ADAMTS5: variants seen among roughly 807,000 people sequenced by gnomAD.
ADAMTS5 encodes the protein A disintegrin and metalloproteinase with thrombospondin motifs 5.
ADAMTS5 carries 54 observed loss-of-function variants against 81.4 expected under a neutral mutation model. The ratio of observed to expected loss-of-function variants is 0.66; its 90% CI spans 0.53 to 0.83. The LOEUF (loss-of-function observed/expected upper bound fraction) is 0.83. ADAMTS5 is among the 40% of genes least tolerant of loss of function. The probability of loss-of-function intolerance (pLI) is 0.00; values close to 1 mark genes in which losing one functional copy is unlikely to be tolerated. For missense variants in ADAMTS5, 1,194 were observed against 1,229.9 expected (o/e 0.97, Z 0.44); for synonymous variants, 532 against 508.8 (o/e 1.05, Z -0.61).
chr21:26,966,384 A>G lies in ADAMTS5; in HGVS notation c.8T>C (p.Leu3Pro), dbSNP rs1987675197. ...GCACAGCAGCAGGGACGCCCACCCGAGCAGCATAGTGCGCTGCCCGCGGGG... is the reference window on the plus strand; with the variant it reads ...GCACAGCAGCAGGGACGCCCACCCGGGCAGCATAGTGCGCTGCCCGCGGGG... Reference protein sequence around the residue: MLLGWASLLLCAF... With the variant: MLPGWASLLLCAF... Residue 3 changes from leucine (L) to proline (P), a missense_variant, in exon 1 of 8, where the codon CTC becomes CCC. This residue lies in a region of ADAMTS5 where 498 missense variants were observed against 412.3 expected (regional missense o/e 1.21). Coordinates refer to ENST00000284987, the MANE Select transcript of ADAMTS5 (RefSeq NM_007038.5). 1 of 1,476,192 alleles carries G rather than the reference A, an allele frequency of 6.8e-7. No individual in the cohort carries two copies. Among genetic ancestry groups the G allele is most frequent in the Non-Finnish European group, 8.9e-7 (1 of 1,125,498 alleles). The allele number at this position is 1,476,192 out of a possible 1,614,324, so 91.4% of individuals were successfully genotyped here.
chr21:26,929,982 C>T lies in ADAMTS5; in HGVS notation c.2129G>A (p.Gly710Asp). ...RGKCVRTGCD[G>D]IIGSKLQYDK... ...ATACTGCAGCTTTGAGCCAATGATG[C>T]CGTCACAGCCAGTTCTCACACACTT... Residue 710 changes from glycine (G) to aspartate (D), a missense_variant, in exon 7 of 8, where the codon GGC becomes GAC. Coordinates refer to ENST00000284987, the MANE Select transcript of ADAMTS5 (RefSeq NM_007038.5). The T allele has an allele frequency of 1.2e-6, 2 of 1,614,124 alleles. No individual in the cohort carries two copies. Among genetic ancestry groups the T allele is most frequent in the Non-Finnish European group, 1.7e-6 (2 of 1,179,976 alleles).
At position 26,943,545 on chromosome 21, in the gene ADAMTS5, G is replaced by A. The variant is rs780293612; in HGVS notation, c.1240C>T (p.His414Tyr). 1 of 1,611,650 alleles carries A rather than the reference G, an allele frequency of 6.2e-7. No homozygotes were observed. The highest frequency in any genetic ancestry group is 8.5e-7 in the Non-Finnish European group (1 of 1,178,736). ...AAFTVAHEIGHLLGLSHDDSK... is the reference protein window; with the variant it reads ...AAFTVAHEIGYLLGLSHDDSK... ...TCGTCATGGGAGAGGCCAAGTAAAT[G>A]TCCTAAGGGAGACAACAGAGGAAGT... The change falls in exon 3 of 8, where the codon CAT becomes TAT. Residue 414 changes from histidine (H) to tyrosine (Y), a missense_variant and splice_region_variant. Physicochemically the swap from His to Tyr is moderately conservative, Grantham distance 83 (BLOSUM62 2). This residue lies in a region of ADAMTS5 where 696 missense variants were observed against 817.6 expected (regional missense o/e 0.85). Coordinates refer to ENST00000284987, the MANE Select transcript of ADAMTS5 (RefSeq NM_007038.5).
chr21:26,965,344 G>C lies in ADAMTS5; in HGVS notation c.1048C>G (p.Gln350Glu), dbSNP rs1987617948. 6.2e-7 allele frequency: 1 copy of C among 1,614,244 alleles called. No individual in the cohort carries two copies. The highest frequency in any genetic ancestry group is 1.3e-5 in the African/African-American group (1 of 75,058). ...NFCKWQHQHN[Q>E]LGDDHEEHYD... is the part of the protein sequence containing the mutation. ...TGCTCCTCATGGTCATCTCCCAGCT[G>C]GTTGTGTTGGTGCTGCCACTTGCAA... Residue 350 changes from glutamine (Q) to glutamate (E), a missense_variant, in exon 1 of 8, where the codon CAG (glutamine) becomes GAG (glutamate). Gln to Glu is a conservative substitution (Grantham distance 29, BLOSUM62 2). Coordinates refer to ENST00000284987, the MANE Select transcript of ADAMTS5 (RefSeq NM_007038.5).
intron 2 of ADAMTS5, among the ~76,000 whole-genome samples, chr21:26,954,461 C>A (rs983485393): frequency 2.0e-5 from 3 of 152,140 alleles, no homozygotes; most frequent in African/African-American, 7.2e-5. Flanking sequence ...GGGTCATTTA[C>A]GGATGCTTAA....
intron 3 of ADAMTS5, among the ~76,000 whole-genome samples, chr21:26,942,287 A>T (rs1254128557): frequency 6.6e-6 from 1 of 152,142 alleles, no homozygotes; most frequent in African/African-American, 2.4e-5. Flanking sequence ...CAAACAGTCA[A>T]CATACTAAAA....
chr21:26,931,491 C>T (rs1986905684), intron 6 of ADAMTS5, among the ~76,000 whole-genome samples: 1 of 152,144 alleles, frequency 6.6e-6, no homozygotes, highest in Admixed American at 6.5e-5. Context: ...TATACACATA[C>T]ACAAGGATTA....
intron 3 of ADAMTS5, among the ~76,000 whole-genome samples, chr21:26,941,706 G>C (rs913562120): frequency 5.3e-5 from 8 of 152,068 alleles, no homozygotes; most frequent in African/African-American, 1.9e-4. Context: ...CTTGGAATGT[G>C]TAACATGTGA....
At chr21:26,944,765 C>G (rs563688511) in intron 2 of ADAMTS5, among the ~76,000 whole-genome samples, 1 of 151,992 alleles carries the variant, frequency 6.6e-6, no homozygotes. Flanking sequence ...CCAATAAAAC[C>G]CAACAGAGAT....
At chr21:26,957,447 TGATA>T (rs3838079) in intron 1 of ADAMTS5, among the ~76,000 whole-genome samples, 119,053 of 150,396 alleles carry the variant, frequency 0.79, 47,293 homozygotes, top group Non-Finnish European at 0.82. Context: ...GATGGATAGA[TGATA>T]GATAGATAGA....
chr21:26,938,258 AAAAG>A (rs915742509), intron 3 of ADAMTS5, among the ~76,000 whole-genome samples: 4 of 152,106 alleles, frequency 2.6e-5, no homozygotes, highest in African/African-American at 9.7e-5. Flanking sequence ...AAAAAAAAAG[AAAAG>A]AAAGAAAGTC....
rs959262203 is a variant in ADAMTS5, at chr21:26,919,230, T to G, written c.*4823A>C. 1.3e-5 allele frequency: 2 copies of G among 151,462 alleles called. No individual in the cohort carries two copies. The highest frequency in any genetic ancestry group is 1.9e-4 in the East Asian group (1 of 5,134). 9.4% of individuals were successfully genotyped at this position (151,462 alleles called of 1,614,324 possible). ...AAGCATGCCCTGTTTTTTATTTGTT[T>G]TTTTTTTTTTTCCTACAAATCACAG... On this transcript the variant is annotated 3_prime_UTR_variant, in exon 8 of 8. Transcript: ENST00000284987.
intron 5 of ADAMTS5, 102 bp from the exon 6 acceptor site, chr21:26,932,281 T>G (rs926971750): frequency 9.6e-6 from 12 of 1,252,914 alleles, no homozygotes; most frequent in Non-Finnish European, 1.2e-5. Context: ...TGCAAACGTG[T>G]TTTTTTTATC....
intron 3 of ADAMTS5, among the ~76,000 whole-genome samples, chr21:26,937,359 C>T (rs1313935910): frequency 6.6e-6 from 1 of 152,176 alleles, no homozygotes; most frequent in Non-Finnish European, 1.5e-5. Context: ...AGAGGTCATA[C>T]ATGTGGAGAT....
Position 26,924,453 on chromosome 21 carries a change from A to G in ADAMTS5, c.2393T>C (p.Ile798Thr). ...CATGACTGTTCCATTGATGTCAATGATAGTCTCTGAAGTGGAGATCATGTA... is the reference window on the plus strand; with the variant it reads ...CATGACTGTTCCATTGATGTCAATGGTAGTCTCTGAAGTGGAGATCATGTA... ...GKYMISTSETIIDINGTVMNY... is the reference protein window; with the variant it reads ...GKYMISTSETTIDINGTVMNY... The change falls in exon 8 of 8, where the codon ATC (isoleucine) becomes ACC (threonine). Residue 798 changes from isoleucine to threonine, a missense_variant. Transcript: ENST00000284987. 6.2e-7 allele frequency: 1 copy of G among 1,614,206 alleles called. No homozygotes were observed. The highest frequency in any genetic ancestry group is 2.2e-5 in the East Asian group (1 of 44,878).
intron 1 of ADAMTS5, among the ~76,000 whole-genome samples, chr21:26,959,620 T>C (rs1409901986): frequency 1.3e-5 from 2 of 152,174 alleles, no homozygotes; most frequent in African/African-American, 2.4e-5. Flanking sequence ...TTTCTCTCTA[T>C]GCTGTGTTGG....
rs762673375 is a variant in ADAMTS5, at chr21:26,924,309, C to T, written c.2537G>A (p.Arg846His). The T allele has an allele frequency of 2.0e-5, 33 of 1,614,186 alleles. No individual in the cohort carries two copies. The highest frequency in any genetic ancestry group is 2.5e-5 in the Non-Finnish European group (29 of 1,180,022). ...CTTCTTGGGAACAAAAAAGCTATAA[C>T]GGACATCTAATGGTTTAGTGGGGTC... ...ATDPTKPLDV[R>H]YSFFVPKKST... Residue 846 changes from arginine to histidine, a missense_variant, in exon 8 of 8, where the codon CGT (arginine) becomes CAT (histidine). This residue lies in a region of ADAMTS5 where 696 missense variants were observed against 817.6 expected (regional missense o/e 0.85). Transcript: ENST00000284987.
intron 2 of ADAMTS5, among the ~76,000 whole-genome samples, chr21:26,953,246 C>G: frequency 6.6e-6 from 1 of 152,202 alleles, no homozygotes; most frequent in East Asian, 1.9e-4. Flanking sequence ...AACCCAGAGA[C>G]AGAGCTGGGA....
Position 26,934,627 on chromosome 21 carries a change from C to T in ADAMTS5, c.1528G>A (p.Gly510Ser), listed in dbSNP as rs368628024. ...TFGPEYSVCP[G>S]MDVCARLWCA... ...CACAGGCGAGCACAGACATCCATGC[C>T]GGGACACACGGAGTACTCAGGCCCG... The change falls in exon 4 of 8, where the codon GGC becomes AGC. Residue 510 changes from glycine (G) to serine (S), a missense_variant. Physicochemically the swap from Gly to Ser is moderately conservative, Grantham distance 56. Coordinates refer to ENST00000284987, the MANE Select transcript of ADAMTS5 (RefSeq NM_007038.5). 2.5e-5 allele frequency: 41 copies of T among 1,614,036 alleles called. No homozygotes were observed. The highest frequency in any genetic ancestry group is 3.2e-5 in the Non-Finnish European group (38 of 1,180,044).
rs574147200 is a variant in ADAMTS5, at chr21:26,918,303, A to C, written c.*5750T>G. The C allele has an allele frequency of 5.2e-5, 8 of 152,574 alleles. No individual in the cohort carries two copies. Among genetic ancestry groups the C allele is most frequent in the Admixed American group, 6.6e-5 (1 of 15,256 alleles). 9.5% of individuals were successfully genotyped at this position (152,574 alleles called of 1,614,324 possible). On this transcript the variant is annotated 3_prime_UTR_variant, in exon 8 of 8. Coordinates refer to ENST00000284987, the MANE Select transcript of ADAMTS5 (RefSeq NM_007038.5). ...ATTTTACATCTTATATACAGTATGT[A>C]AATCTTCAATGATTTTCTCTACCAT...
Sources: allele counts gnomAD v4.1 joint callset (sites outside exome capture counted in the v4.1 genomes callset), GRCh38; gene constraint gnomAD v4.1.1; regional missense constraint gnomAD v4.1.1; transcripts MANE v1.5; gene names NCBI Gene and HGNC (gene_info 2026-07-23, HGNC 2026-07-21).